Variants in ATP2B4 observed in about 807,000 individuals in gnomAD.
The protein encoded by ATP2B4 is ATPase plasma membrane Ca2+ transporting 4.
Under a neutral mutation model 110.3 loss-of-function variants are expected in ATP2B4, and 39 were observed. The observed-to-expected ratio is 0.35, with a 90% CI of 0.27 to 0.46. The LOEUF is 0.46. Ranked by LOEUF, ATP2B4 falls within the 20% of genes least tolerant of loss-of-function variation. The pLI is 1.00. For synonymous variants in ATP2B4, 538 were observed against 571.7 expected, an observed-to-expected ratio of 0.94 and a Z score of 0.84; for missense variants, 1,135 against 1,530.9, an observed-to-expected ratio of 0.74 and a Z score of 4.32.
chr1:203,715,581 G>T (rs186820168), intron 15 of ATP2B4, among the ~76,000 whole-genome samples: 1 of 142,100 alleles, frequency 7.0e-6, no homozygotes, highest in Admixed American at 7.0e-5. Flanking sequence ...ATTATATGGG[G>T]GGATGGTGTG....
At chr1:203,696,354 G>A (rs986250145) in intron 2 of ATP2B4, among the ~76,000 whole-genome samples, 5 of 152,150 alleles carry the variant, frequency 3.3e-5, no homozygotes, top group African/African-American at 1.2e-4. Flanking sequence ...GAAGGCCTCT[G>A]GCATCCAAGT....
intron 1 of ATP2B4, among the ~76,000 whole-genome samples, chr1:203,661,638 C>T (rs1007720055): frequency 6.6e-6 from 1 of 152,178 alleles, no homozygotes; most frequent in African/African-American, 2.4e-5. Flanking sequence ...CAATGCACTC[C>T]CACCATTGTC....
At chr1:203,658,571 G>A (rs947384477) in intron 1 of ATP2B4, among the ~76,000 whole-genome samples, 20 of 151,920 alleles carry the variant, frequency 1.3e-4, no homozygotes, top group African/African-American at 4.8e-4. Flanking sequence ...AAGACGGGAT[G>A]ATGAGCAAAT....
intron 2 of ATP2B4, among the ~76,000 whole-genome samples, chr1:203,693,022 T>C (rs1445985703): frequency 6.6e-6 from 1 of 152,172 alleles, no homozygotes; most frequent in Non-Finnish European, 1.5e-5. Flanking sequence ...GGACAAGATT[T>C]CCCCTCAGTT....
chr1:203,644,932 G>A (rs1426105247), intron 1 of ATP2B4, among the ~76,000 whole-genome samples: 1 of 152,256 alleles, frequency 6.6e-6, no homozygotes, highest in East Asian at 1.9e-4. Context: ...ATGCCAAGGT[G>A]GAGAGGAGGT....
At chr1:203,643,730 C>T (rs1465593897) in intron 1 of ATP2B4, among the ~76,000 whole-genome samples, 1 of 152,200 alleles carries the variant, frequency 6.6e-6, no homozygotes, top group African/African-American at 2.4e-5. Flanking sequence ...GTTTCAGATG[C>T]AGTGACTTGC....
At chr1:203,660,655 C>T (rs1664310836) in intron 1 of ATP2B4, among the ~76,000 whole-genome samples, 1 of 151,988 alleles carries the variant, frequency 6.6e-6, no homozygotes, top group East Asian at 1.9e-4. Context: ...CAAAAATTAG[C>T]TGGGCATGGT....
chr1:203,700,774 C>G (rs779137916), intron 5 of ATP2B4, 24 bp from the exon 6 acceptor site: 2 of 1,611,398 alleles, frequency 1.2e-6, no homozygotes, highest in South Asian at 1.1e-5. Flanking sequence ...CCCATTCCTT[C>G]CCATCTTCTC....
chr1:203,692,708 G>A (rs1285458815), intron 2 of ATP2B4, among the ~76,000 whole-genome samples: 1 of 152,204 alleles, frequency 6.6e-6, no homozygotes, highest in Non-Finnish European at 1.5e-5. Context: ...GTTCTGATAA[G>A]TAGTGCCTCT....
chr1:203,721,659 TTTTTTTTTTTTTTTC>T (rs1481393445), intron 17 of ATP2B4, among the ~76,000 whole-genome samples: 3 of 135,158 alleles, frequency 2.2e-5, no homozygotes, highest in African/African-American at 8.9e-5. Flanking sequence ...TCTTTCTTTT[TTTTTTTTTTTTTTTC>T]TTTTTGGAGA....
chr1:203,695,120 T>C (rs2102378584), intron 2 of ATP2B4, among the ~76,000 whole-genome samples: 1 of 152,292 alleles, frequency 6.6e-6, no homozygotes, highest in African/African-American at 2.4e-5. Flanking sequence ...CATAATCATC[T>C]ACTAAACCTT....
chr1:203,652,243 C>G (rs1664020280), intron 1 of ATP2B4, among the ~76,000 whole-genome samples: 1 of 150,538 alleles, frequency 6.6e-6, no homozygotes. Context: ...TTCCCAGGTG[C>G]AAGCGATTCT....
At chr1:203,722,417 C>A in intron 17 of ATP2B4, 61 bp from the exon 18 acceptor site, 1 of 1,323,904 alleles carries the variant, frequency 7.6e-7, no homozygotes. Flanking sequence ...TCTGTACCAA[C>A]ACATTCTTAC....
intron 2 of ATP2B4, among the ~76,000 whole-genome samples, chr1:203,690,932 A>T (rs938703871): frequency 2.0e-5 from 3 of 152,216 alleles, no homozygotes; most frequent in South Asian, 2.1e-4. Flanking sequence ...CATCCTAGGA[A>T]TTCCCTGTCT....
Position 203,703,670 on chromosome 1 carries a change from T to A in ATP2B4, c.956T>A (p.Val319Glu), listed in dbSNP as rs1486134759. 2.5e-6 allele frequency: 4 copies of A among 1,613,718 alleles called. No homozygotes were observed. The highest frequency in any genetic ancestry group is 3.4e-6 in the Non-Finnish European group (4 of 1,179,962). ...NRNKAKTQDG[V>E]ALEIQPLNSQ... ...ACTCCAGCAAAGACCCAAGACGGAG[T>A]GGCCCTGGAAATCCAGCCACTCAAC... Residue 319 changes from valine (V) to glutamate (E), a missense_variant, in exon 8 of 21, where the codon GTG becomes GAG. Val to Glu is a moderately radical substitution (Grantham distance 121). Around this residue, in one of 9 missense-constraint regions of ATP2B4, gnomAD observed 162 missense variants for 210.5 expected, o/e 0.77. Coordinates refer to ENST00000357681, the MANE Select transcript of ATP2B4 (RefSeq NM_001684.5).
At chr1:203,627,711 C>T (rs1396352753) in intron 1 of ATP2B4, among the ~76,000 whole-genome samples, 3 of 149,302 alleles carry the variant, frequency 2.0e-5, no homozygotes, top group Non-Finnish European at 4.4e-5. Flanking sequence ...AAATCTTCAG[C>T]AGAAAGAGGG....
intron 1 of ATP2B4, among the ~76,000 whole-genome samples, chr1:203,667,095 G>C (rs975903427): frequency 3.3e-5 from 5 of 152,146 alleles, no homozygotes; most frequent in African/African-American, 1.2e-4. Context: ...GGGACTATAG[G>C]TGCGCACCAC....
At chr1:203,653,848 C>G (rs371167528) in intron 1 of ATP2B4, among the ~76,000 whole-genome samples, 1 of 151,362 alleles carries the variant, frequency 6.6e-6, no homozygotes, top group Non-Finnish European at 1.5e-5. Flanking sequence ...TGAGCCACCA[C>G]GCCAGGCTTC....
chr1:203,650,681 A>G (rs1005014828), intron 1 of ATP2B4, among the ~76,000 whole-genome samples: 39 of 152,224 alleles, frequency 2.6e-4, no homozygotes, highest in African/African-American at 8.2e-4. Context: ...GGCTAGGGCG[A>G]GCGAGGCTGC....
Sources: gnomAD v4.1 joint callset for allele counts (sites outside exome capture counted in the v4.1 genomes callset) on GRCh38, gnomAD v4.1.1 for gene constraint, gnomAD v4.1.1 regional missense constraint, MANE v1.5 for transcripts, NCBI Gene and HGNC (gene_info 2026-07-23, HGNC 2026-07-21) for gene names.